SMAD5: variants seen among roughly 807,000 people sequenced by gnomAD.
The protein encoded by SMAD5 is MAD, mothers against decapentaplegic homolog 5.
A neutral mutation model predicts 43.1 loss-of-function variants in SMAD5; 9 were observed. That is an observed-to-expected ratio of 0.21 (90% CI 0.13 to 0.36). SMAD5 has a LOEUF of 0.36. Among genes scored for constraint, SMAD5 ranks in the 10% least tolerant of loss-of-function variants. The pLI, the probability that SMAD5 is intolerant of heterozygous loss-of-function variation, is 1.00. For missense variants in SMAD5, 348 were observed against 574.0 expected (o/e 0.61, Z 4.02); for synonymous variants, 190 against 192.4 (o/e 0.99, Z 0.10).
intron 3 of SMAD5, among the ~76,000 whole-genome samples, chr5:136,157,025 A>G (rs996611724): frequency 2.6e-5 from 4 of 152,164 alleles, no homozygotes; most frequent in Non-Finnish European, 5.9e-5. Context: ...AAAGTAGTAG[A>G]AGGTGGTGGT....
chr5:136,156,683 G>A (rs1247533404), intron 3 of SMAD5, among the ~76,000 whole-genome samples: 6 of 152,154 alleles, frequency 3.9e-5, no homozygotes, highest in Non-Finnish European at 7.3e-5. Context: ...TTGCTAGGAG[G>A]GAGTCTAGGA....
At chr5:136,157,687 T>C (rs890671400) in intron 3 of SMAD5, among the ~76,000 whole-genome samples, 1 of 152,150 alleles carries the variant, frequency 6.6e-6, no homozygotes, top group African/African-American at 2.4e-5. Flanking sequence ...ATGCTGCTAC[T>C]GATCTGACAG....
At chr5:136,147,790 G>A (rs926037274) in intron 1 of SMAD5, 42 bp from the exon 2 acceptor site, 3 of 151,160 alleles carry the variant, frequency 2.0e-5, no homozygotes, top group African/African-American at 7.3e-5. Context: ...TATCAAAGGA[G>A]TATTATGATT....
At chr5:136,166,495 C>T (rs1462293042) in intron 5 of SMAD5, among the ~76,000 whole-genome samples, 2 of 152,102 alleles carry the variant, frequency 1.3e-5, no homozygotes, top group Non-Finnish European at 2.9e-5. Flanking sequence ...AATTTAAAAT[C>T]TACCTTCATT....
intron 3 of SMAD5, among the ~76,000 whole-genome samples, chr5:136,156,185 C>T (rs999718445): frequency 6.6e-6 from 1 of 152,162 alleles, no homozygotes; most frequent in African/African-American, 2.4e-5. Flanking sequence ...AGGTAGTTCA[C>T]ATTCATGACA....
At position 136,181,333 on chromosome 5, in the gene SMAD5, G is replaced by C. The variant is rs1161869427; in HGVS notation, c.*3853G>C. 1.3e-5 allele frequency: 2 copies of C among 152,070 alleles called. No individual in the cohort carries two copies. The highest frequency in any genetic ancestry group is 2.9e-5 in the Non-Finnish European group (2 of 67,984). The allele number at this position is 152,070 out of a possible 1,614,324, so 9.4% of individuals were successfully genotyped here. On this transcript the variant is annotated 3_prime_UTR_variant, in exon 8 of 8. Transcript: ENST00000545279. ...GTCAGATCCCTTCTTTGTCTTACTA[G>C]TTAAATCCTCACCTAATCTCTTGGG...
intron 1 of SMAD5, chr5:136,134,191 T>G (rs190726270): frequency 6.6e-6 from 1 of 152,576 alleles, no homozygotes; most frequent in African/African-American, 2.4e-5. Flanking sequence ...TGCCTAGCAC[T>G]ACCAAAAGGG....
intron 3 of SMAD5, among the ~76,000 whole-genome samples, chr5:136,159,362 A>G (rs373969378): frequency 5.3e-5 from 8 of 152,200 alleles, no homozygotes; most frequent in African/African-American, 1.9e-4. Context: ...TTTGTTTTCT[A>G]TAGAAACAGT....
intron 6 of SMAD5, among the ~76,000 whole-genome samples, chr5:136,173,316 C>G (rs1231105041): frequency 1.3e-5 from 2 of 152,174 alleles, no homozygotes; most frequent in Non-Finnish European, 2.9e-5. Flanking sequence ...AAACCCATCC[C>G]AGGTAAAGTG....
Position 136,153,215 on chromosome 5 carries a change from G to A in SMAD5, c.-169-377G>A, listed in dbSNP as rs183101160. 1.3e-4 allele frequency among the ~76,000 whole-genome samples: 20 copies of A among 152,200 alleles called. No homozygotes were observed. In the Middle Eastern group the frequency reaches 0.014, roughly 104 times the overall value. Reference sequence around the variant, plus strand: ...TCTATTCAGATCAGGACACAATCACGTTCAAAATTGACATAGCATGTAACA... The same window carrying A: ...TCTATTCAGATCAGGACACAATCACATTCAAAATTGACATAGCATGTAACA... On this transcript the variant is annotated intron_variant, in intron 2 of 7. Coordinates refer to ENST00000545279, the MANE Select transcript of SMAD5 (RefSeq NM_005903.7).
intron 3 of SMAD5, among the ~76,000 whole-genome samples, chr5:136,159,437 CTG>C (rs1306320447): frequency 6.6e-6 from 1 of 151,802 alleles, no homozygotes; most frequent in Non-Finnish European, 1.5e-5. Context: ...TTTTTTTAAA[CTG>C]TCCACATATT....
chr5:136,174,769 A>T (rs1754350568), intron 7 of SMAD5, 137 bp downstream of exon 7: 2 of 611,932 alleles, frequency 3.3e-6, no homozygotes, highest in Non-Finnish European at 5.7e-6. Flanking sequence ...AAATAAAATT[A>T]TTGAATTTGT....
At chr5:136,174,773 A>G in intron 7 of SMAD5, 141 bp downstream of exon 7, 1 of 602,436 alleles carries the variant, frequency 1.7e-6, no homozygotes, top group South Asian at 2.3e-5. Flanking sequence ...AAAATTATTG[A>G]ATTTGTAATT....
At position 136,136,726 on chromosome 5, in the gene SMAD5, T is replaced by C. The variant is rs142674165; in HGVS notation, c.-245+3764T>C. On this transcript the variant is annotated intron_variant, in intron 1 of 7. Transcript: ENST00000545279. Reference sequence around the variant, plus strand: ...TCTGGGCTATTTATTTGAGAGTGTCTCTCTCTGTCGCCCAGGCTGGGGTTC... The same window carrying C: ...TCTGGGCTATTTATTTGAGAGTGTCCCTCTCTGTCGCCCAGGCTGGGGTTC... 1.8e-4 allele frequency among the ~76,000 whole-genome samples: 27 copies of C among 152,230 alleles called. No homozygotes were observed. In the East Asian group the frequency reaches 4.7e-3, roughly 26 times the overall value.
chr5:136,139,033 C>CT (rs1752980739), intron 1 of SMAD5, among the ~76,000 whole-genome samples: 1 of 151,944 alleles, frequency 6.6e-6, no homozygotes, highest in Non-Finnish European at 1.5e-5. Flanking sequence ...GTTTGCTTGC[C>CT]TTTTTATTTC....
intron 2 of SMAD5, among the ~76,000 whole-genome samples, chr5:136,150,097 C>T (rs916680470): frequency 5.3e-5 from 8 of 151,802 alleles, no homozygotes; most frequent in African/African-American, 1.5e-4. Context: ...TCTTTCCTAA[C>T]AGTGAATGTT....
chr5:136,157,764 A>G (rs1446064749), intron 3 of SMAD5, among the ~76,000 whole-genome samples: 3 of 151,984 alleles, frequency 2.0e-5, no homozygotes, highest in Non-Finnish European at 4.4e-5. Context: ...AGCTTCGCTC[A>G]CTCTCTCTCA....
intron 1 of SMAD5, among the ~76,000 whole-genome samples, chr5:136,138,061 C>CA (rs1752946966): frequency 6.6e-6 from 1 of 152,186 alleles, no homozygotes; most frequent in Non-Finnish European, 1.5e-5. Flanking sequence ...CAAGCATACT[C>CA]AAACACATCT....
intron 2 of SMAD5, among the ~76,000 whole-genome samples, chr5:136,150,847 G>T (rs7711696): frequency 0.35 from 53,853 of 151,758 alleles, 10,400 homozygotes; most frequent in African/African-American, 0.52. Flanking sequence ...ATAGACATTA[G>T]TACTTTAATA....
Sources: allele counts gnomAD v4.1 joint callset (sites outside exome capture counted in the v4.1 genomes callset), GRCh38; gene constraint gnomAD v4.1.1; transcripts MANE v1.5; gene names NCBI Gene and HGNC (gene_info 2026-07-23, HGNC 2026-07-21).